Variants in EPB41L5 observed in about 807,000 individuals in gnomAD.
EPB41L5 encodes band 4.1-like protein 5.
A neutral mutation model predicts 106.6 loss-of-function variants in EPB41L5; 55 were observed. That is an observed-to-expected ratio of 0.52 (90% CI 0.42 to 0.65). EPB41L5 has a LOEUF of 0.65. Ranked by LOEUF, EPB41L5 falls within the 30% of genes least tolerant of loss-of-function variation. EPB41L5 has a pLI of 0.00. For missense variants in EPB41L5, 871 were observed against 882.1 expected, an observed-to-expected ratio of 0.99 and a Z score of 0.16; for synonymous variants, 297 against 306.7, an observed-to-expected ratio of 0.97 and a Z score of 0.33.
intron 2 of EPB41L5, among the ~76,000 whole-genome samples, chr2:120,019,859 G>C (rs1296394365): frequency 6.6e-6 from 1 of 151,778 alleles, no homozygotes; most frequent in African/African-American, 2.4e-5. Flanking sequence ...TTCATACACT[G>C]TAGTCTTTAT....
At chr2:120,105,016 T>C in intron 16 of EPB41L5, 1 of 984,850 alleles carries the variant, frequency 1.0e-6, no homozygotes, top group African/African-American at 1.7e-5. Context: ...GACTGGCTTT[T>C]CTCTTTCATC....
intron 4 of EPB41L5, among the ~76,000 whole-genome samples, 192 bp downstream of exon 4, chr2:120,073,412 C>T (rs1406561874): frequency 2.6e-5 from 4 of 152,168 alleles, no homozygotes. Flanking sequence ...CTAGATTAAA[C>T]TGCATTGGGG....
intron 18 of EPB41L5, among the ~76,000 whole-genome samples, chr2:120,133,943 G>C (rs529930916): frequency 1.3e-5 from 2 of 152,136 alleles, no homozygotes; most frequent in South Asian, 4.1e-4. Flanking sequence ...GCACCAAGCA[G>C]AGTCCTAAAG....
intron 16 of EPB41L5, chr2:120,106,115 A>C: frequency 1.0e-6 from 1 of 985,162 alleles, no homozygotes; most frequent in Non-Finnish European, 1.2e-6. Flanking sequence ...AATTTGAGTT[A>C]ATCAGTACTG....
At chr2:120,139,030 C>T (rs1686059157) in intron 18 of EPB41L5, among the ~76,000 whole-genome samples, 2 of 151,962 alleles carry the variant, frequency 1.3e-5, no homozygotes, top group Admixed American at 6.6e-5. Context: ...TAAATCCATA[C>T]ATCTGCAGTG....
At chr2:120,093,888 A>C (rs1000392448) in intron 14 of EPB41L5, among the ~76,000 whole-genome samples, 1 of 152,188 alleles carries the variant, frequency 6.6e-6, no homozygotes, top group African/African-American at 2.4e-5. Context: ...TGTATGGTAG[A>C]ATTCACCATT....
Position 120,028,160 on chromosome 2 carries a change from G to A in EPB41L5, c.180+8896G>A, listed in dbSNP as rs202043657. ...ATTACAGGCGTGAGCCACCGCGCCCGGCCGGAAGTTATTTTTTTTTTTAAA... is the reference window on the plus strand; with the variant it reads ...ATTACAGGCGTGAGCCACCGCGCCCAGCCGGAAGTTATTTTTTTTTTTAAA... On this transcript the variant is annotated intron_variant, in intron 2 of 24. Coordinates refer to ENST00000263713, the MANE Select transcript of EPB41L5 (RefSeq NM_020909.4). 5.9e-5 allele frequency among the ~76,000 whole-genome samples: 9 copies of A among 151,860 alleles called. No individual in the cohort carries two copies. The East Asian group carries it at 1.4e-3, about 23-fold the overall frequency.
At chr2:120,151,610 C>CTTT (rs529496809) in intron 20 of EPB41L5, among the ~76,000 whole-genome samples, 8 of 116,784 alleles carry the variant, frequency 6.9e-5, no homozygotes, top group African/African-American at 1.7e-4. Flanking sequence ...GCGTCTGGCC[C>CTTT]TTTTTTTTTT....
intron 20 of EPB41L5, among the ~76,000 whole-genome samples, chr2:120,156,752 T>C (rs981073634): frequency 2.6e-5 from 4 of 152,172 alleles, no homozygotes; most frequent in African/African-American, 9.7e-5. Context: ...ATCCTAAATA[T>C]ATATGCACCC....
chr2:120,053,869 C>G (rs2105257385), intron 3 of EPB41L5, among the ~76,000 whole-genome samples: 1 of 152,212 alleles, frequency 6.6e-6, no homozygotes, highest in Middle Eastern at 3.4e-3. Context: ...CGAGACCAGC[C>G]TGGGCAACTT....
At chr2:120,037,454 AAAG>A (rs1259141647) in intron 2 of EPB41L5, among the ~76,000 whole-genome samples, 4 of 152,204 alleles carry the variant, frequency 2.6e-5, no homozygotes, top group Admixed American at 2.0e-4. Context: ...ACAATCTTGA[AAAG>A]AAGAAGAAAG....
At chr2:120,072,460 A>G (rs539147635) in intron 3 of EPB41L5, among the ~76,000 whole-genome samples, 15 of 152,310 alleles carry the variant, frequency 9.8e-5, no homozygotes, top group South Asian at 6.2e-4. Flanking sequence ...AAGTCATTCT[A>G]CTATAAAGAC....
At chr2:120,123,576 A>C (rs369779076) in intron 16 of EPB41L5, among the ~76,000 whole-genome samples, 18 of 151,654 alleles carry the variant, frequency 1.2e-4, no homozygotes, top group Admixed American at 2.0e-4. Context: ...CTAATTTAAC[A>C]ATTTCCCCTT....
At chr2:120,131,795 T>C (rs1685705861) in intron 18 of EPB41L5, 80 bp downstream of exon 18, 1 of 1,044,608 alleles carries the variant, frequency 9.6e-7, no homozygotes, top group Admixed American at 2.0e-5. Flanking sequence ...GACAGTACTT[T>C]CTTTTTTCTT....
rs1453434483 is a variant in EPB41L5, at chr2:120,176,447, C to T, written c.*1540C>T. The T allele has an allele frequency of 1.3e-5, 2 of 152,226 alleles. No individual in the cohort carries two copies. The highest frequency in any genetic ancestry group is 2.9e-5 in the Non-Finnish European group (2 of 68,048). The allele number at this position is 152,226 out of a possible 1,614,324, so 9.4% of individuals were successfully genotyped here. ...AATCGTGTGTCCAGGCAAACGCACA[C>T]TAGTGTCTGACTGGAAAGCTCAGGA... On this transcript the variant is annotated 3_prime_UTR_variant, in exon 25 of 25. Coordinates refer to ENST00000263713, the MANE Select transcript of EPB41L5 (RefSeq NM_020909.4).
intron 16 of EPB41L5, among the ~76,000 whole-genome samples, chr2:120,114,716 A>G (rs1684872475): frequency 6.6e-6 from 1 of 152,116 alleles, no homozygotes; most frequent in African/African-American, 2.4e-5. Flanking sequence ...TCTGTGCAGT[A>G]TGGTTGGTTT....
intron 14 of EPB41L5, among the ~76,000 whole-genome samples, chr2:120,097,052 A>G (rs1209365482): frequency 6.6e-6 from 1 of 152,208 alleles, no homozygotes; most frequent in Non-Finnish European, 1.5e-5. Context: ...TCTGAAACAC[A>G]TTTCTGGTAA....
intron 3 of EPB41L5, among the ~76,000 whole-genome samples, chr2:120,060,180 C>T (rs1284783019): frequency 3.9e-5 from 6 of 152,166 alleles, no homozygotes; most frequent in East Asian, 1.9e-4. Context: ...AAAGTGATAT[C>T]GCTACTCTGG....
At chr2:120,078,266 T>C (rs937770606) in intron 9 of EPB41L5, among the ~76,000 whole-genome samples, 30 of 152,208 alleles carry the variant, frequency 2.0e-4, no homozygotes, top group African/African-American at 6.5e-4. Context: ...TCAATGAAGA[T>C]ACACTTTAAA....
Sources: allele counts gnomAD v4.1 joint callset (sites outside exome capture counted in the v4.1 genomes callset), GRCh38; gene constraint gnomAD v4.1.1; transcripts MANE v1.5; gene names NCBI Gene and HGNC (gene_info 2026-07-23, HGNC 2026-07-21).